Variants in NDST4 observed in about 807,000 individuals in gnomAD.
The protein encoded by NDST4 is N-deacetylase and N-sulfotransferase 4.
NDST4 carries 63 observed loss-of-function variants against 100.8 expected under a neutral mutation model. The ratio of observed to expected loss-of-function variants is 0.62; its 90% CI spans 0.51 to 0.77. The LOEUF (loss-of-function observed/expected upper bound fraction) is 0.77, where lower values mean the gene tolerates loss of function less well. Ranked by LOEUF, NDST4 falls within the 30% of genes least tolerant of loss-of-function variation. The probability of loss-of-function intolerance (pLI) is 0.00; values close to 1 mark genes in which losing one functional copy is unlikely to be tolerated. For missense variants in NDST4, 943 were observed against 1,018.4 expected, an observed-to-expected ratio of 0.93 and a Z score of 1.01; for synonymous variants, 377 against 361.8, an observed-to-expected ratio of 1.04 and a Z score of -0.48.
intron 6 of NDST4, among the ~76,000 whole-genome samples, chr4:114,903,091 T>C (rs1002117586): frequency 2.6e-5 from 4 of 152,106 alleles, no homozygotes; most frequent in African/African-American, 4.8e-5. Context: ...CTTGTTCTGA[T>C]GATTGATTTT....
intron 4 of NDST4, among the ~76,000 whole-genome samples, chr4:114,944,406 C>T (rs1224264834): frequency 2.0e-5 from 3 of 152,236 alleles, no homozygotes; most frequent in Middle Eastern, 3.4e-3. Flanking sequence ...GATCTTTTTT[C>T]GCCTCTTCCC....
chr4:115,098,880 C>A, intron 1 of NDST4, among the ~76,000 whole-genome samples: 1 of 152,060 alleles, frequency 6.6e-6, no homozygotes, highest in South Asian at 2.1e-4. Context: ...TTTTTATATA[C>A]ATATTTTGTA....
At chr4:114,841,744 C>G (rs916872604) in intron 10 of NDST4, among the ~76,000 whole-genome samples, 1 of 152,154 alleles carries the variant, frequency 6.6e-6, no homozygotes, top group Non-Finnish European at 1.5e-5. Flanking sequence ...TGAGTGTTCA[C>G]AAACTGAGAA....
At chr4:115,016,604 G>T (rs1727681876) in intron 2 of NDST4, among the ~76,000 whole-genome samples, 1 of 152,096 alleles carries the variant, frequency 6.6e-6, no homozygotes, top group African/African-American at 2.4e-5. Context: ...AAAGAAGGGA[G>T]TTACTATGTT....
intron 2 of NDST4, among the ~76,000 whole-genome samples, chr4:115,022,229 T>TACAC (rs1727850663): frequency 6.7e-6 from 1 of 149,992 alleles, no homozygotes; most frequent in Non-Finnish European, 1.5e-5. Context: ...TCCATATATA[T>TACAC]ATACGTTCCA....
chr4:115,108,401 C>T (rs975420166), intron 1 of NDST4, among the ~76,000 whole-genome samples: 4 of 151,880 alleles, frequency 2.6e-5, no homozygotes, highest in Admixed American at 6.6e-5. Context: ...TAGAATCAAG[C>T]CAAAGCATCT....
chr4:115,093,347 T>C lies in NDST4; in HGVS notation c.-246-16065A>G, dbSNP rs528591542. 7.8e-4 allele frequency among the ~76,000 whole-genome samples: 119 copies of C among 151,844 alleles called. No homozygotes were observed. In the South Asian group the frequency reaches 0.011, roughly 14 times the overall value. On this transcript the variant is annotated intron_variant, in intron 1 of 13. Coordinates refer to ENST00000264363, the MANE Select transcript of NDST4 (RefSeq NM_022569.3). ...AAAGTTAGCTGGGCGTGGTGGCGGG[T>C]GCCTGTAGTCCCAGCTACTCTAGAG... is the stretch of plus-strand genomic sequence containing the variant.
chr4:114,992,614 C>G (rs1727066528), intron 2 of NDST4, among the ~76,000 whole-genome samples: 1 of 150,896 alleles, frequency 6.6e-6, no homozygotes, highest in Non-Finnish European at 1.5e-5. Context: ...CCACAAAACT[C>G]AGATAGAAAA....
At chr4:114,981,257 G>A (rs202240009) in intron 2 of NDST4, among the ~76,000 whole-genome samples, 7 of 151,314 alleles carry the variant, frequency 4.6e-5, no homozygotes, top group South Asian at 2.1e-4. Context: ...AAGGAAGGAA[G>A]GAAGGAAGGA....
At chr4:114,875,286 C>T (rs1330064735) in intron 6 of NDST4, among the ~76,000 whole-genome samples, 1 of 152,128 alleles carries the variant, frequency 6.6e-6, no homozygotes, top group Non-Finnish European at 1.5e-5. Flanking sequence ...TATAACCAAA[C>T]ATAAAACAAG....
At chr4:114,864,411 T>G (rs574591570) in intron 7 of NDST4, among the ~76,000 whole-genome samples, 1 of 152,332 alleles carries the variant, frequency 6.6e-6, no homozygotes, top group East Asian at 1.9e-4. Context: ...GTTTCTTAAT[T>G]TTTTCTGCTT....
intron 4 of NDST4, among the ~76,000 whole-genome samples, chr4:114,940,200 A>G (rs563619033): frequency 1.3e-5 from 2 of 152,340 alleles, no homozygotes; most frequent in South Asian, 2.1e-4. Flanking sequence ...TATGGAGTCT[A>G]TACTACAATA....
chr4:114,922,218 G>A (rs777563271), intron 6 of NDST4, among the ~76,000 whole-genome samples: 2 of 152,146 alleles, frequency 1.3e-5, no homozygotes, highest in Non-Finnish European at 2.9e-5. Flanking sequence ...AAGATCTCAG[G>A]AGTGAAGCGA....
intron 1 of NDST4, among the ~76,000 whole-genome samples, chr4:115,106,733 C>A (rs989824266): frequency 1.3e-5 from 2 of 152,028 alleles, no homozygotes; most frequent in Non-Finnish European, 2.9e-5. Flanking sequence ...AGAATTACAT[C>A]GATCTTCATT....
At chr4:114,924,330 C>T (rs1013148440) in intron 6 of NDST4, among the ~76,000 whole-genome samples, 6 of 151,804 alleles carry the variant, frequency 4.0e-5, no homozygotes, top group Non-Finnish European at 8.8e-5. Context: ...TGGATCTTAG[C>T]TGACTCCAGA....
At chr4:114,940,616 T>C (rs1212173708) in intron 4 of NDST4, among the ~76,000 whole-genome samples, 1 of 152,166 alleles carries the variant, frequency 6.6e-6, no homozygotes, top group African/African-American at 2.4e-5. Context: ...TCTTTTAGCT[T>C]TGCCGTCCAT....
intron 2 of NDST4, among the ~76,000 whole-genome samples, chr4:115,013,370 TACACAC>T (rs1553961183): frequency 2.8e-5 from 2 of 71,450 alleles, no homozygotes; most frequent in Admixed American, 1.7e-4. Flanking sequence ...TATATATATA[TACACAC>T]ACATACATAC....
At chr4:115,042,155 CT>C (rs1258306563) in intron 2 of NDST4, among the ~76,000 whole-genome samples, 12 of 152,052 alleles carry the variant, frequency 7.9e-5, no homozygotes, top group African/African-American at 2.7e-4. Flanking sequence ...AAGTTTTAAA[CT>C]ACATGTCATT....
intron 2 of NDST4, among the ~76,000 whole-genome samples, chr4:114,981,838 G>T (rs1726780689): frequency 6.6e-6 from 1 of 152,022 alleles, no homozygotes; most frequent in Non-Finnish European, 1.5e-5. Context: ...CTTTGATATG[G>T]TTTGGCTCTG....
Sources: allele counts gnomAD v4.1 joint callset (sites outside exome capture counted in the v4.1 genomes callset), GRCh38; gene constraint gnomAD v4.1.1; transcripts MANE v1.5; gene names NCBI Gene and HGNC (gene_info 2026-07-23, HGNC 2026-07-21).